The following CERS3 variants were observed in gnomAD, a reference collection of about 807,000 sequenced individuals.
CERS3 encodes the protein LAG1 homolog, ceramide synthase 3.
A neutral mutation model predicts 50.3 loss-of-function variants in CERS3; 33 were observed. The ratio of observed to expected loss-of-function variants is 0.66; its 90% CI spans 0.50 to 0.88. CERS3 has a LOEUF of 0.88. CERS3 is among the 40% of genes least tolerant of loss of function. The pLI is 0.00. For synonymous variants in CERS3, 176 were observed against 155.2 expected (o/e 1.13, Z -0.99); for missense variants, 470 against 460.3 (o/e 1.02, Z -0.19).
At chr15:100,438,258 TG>T (rs995890134) in intron 11 of CERS3, among the ~76,000 whole-genome samples, 6 of 151,902 alleles carry the variant, frequency 3.9e-5, no homozygotes, top group Non-Finnish European at 7.4e-5. Context: ...TTGGTTAGGC[TG>T]GTTTCAATCT....
chr15:100,413,676 C>A (rs575770659), intron 11 of CERS3, among the ~76,000 whole-genome samples: 20 of 149,798 alleles, frequency 1.3e-4, no homozygotes, highest in Admixed American at 7.4e-4. Flanking sequence ...AGTTGGTGAG[C>A]ATGTGGGGAA....
At chr15:100,525,702 A>G (rs774252237) in intron 1 of CERS3, among the ~76,000 whole-genome samples, 2 of 152,214 alleles carry the variant, frequency 1.3e-5, no homozygotes, top group African/African-American at 2.4e-5. Context: ...TAATTTATTT[A>G]TTTTAATTAG....
intron 11 of CERS3, among the ~76,000 whole-genome samples, chr15:100,432,782 A>T (rs1486197011): frequency 6.6e-6 from 1 of 152,106 alleles, no homozygotes; most frequent in African/African-American, 2.4e-5. Context: ...AAAGAATTGT[A>T]TGTATTTAGC....
At chr15:100,466,775 TCCTTCCTTCCTTCCTTCCTC>T (rs1372719540) in intron 10 of CERS3, among the ~76,000 whole-genome samples, 243 of 23,428 alleles carry the variant, frequency 0.01, 21 homozygotes, top group East Asian at 0.018. Flanking sequence ...CTTCCTTCCT[TCCTTCCTTCCTTCCTTCCTC>T]CCTCCCTCCC....
chr15:100,422,877 T>C (rs1039537430), intron 11 of CERS3, among the ~76,000 whole-genome samples: 8 of 134,936 alleles, frequency 5.9e-5, no homozygotes, highest in Non-Finnish European at 1.1e-4. Flanking sequence ...CAGGTGGGAA[T>C]TGAACAATGA....
At chr15:100,408,000 T>G (rs2031189525) in intron 11 of CERS3, among the ~76,000 whole-genome samples, 1 of 152,096 alleles carries the variant, frequency 6.6e-6, no homozygotes, top group Non-Finnish European at 1.5e-5. Flanking sequence ...GCCCCCTGAG[T>G]AGCTGGGATT....
rs1202281669 is a variant in CERS3, at chr15:100,417,816, G to C, written c.1000-14951C>G. 1.3e-5 allele frequency among the ~76,000 whole-genome samples: 2 copies of C among 151,760 alleles called. 1 individual carries two copies. Among genetic ancestry groups the C allele is most frequent in the African/African-American group, 4.9e-5 (2 of 41,042 alleles). On this transcript the variant is annotated intron_variant, in intron 11 of 11. Transcript: ENST00000679737. ...TAACTGAGAGGCACCCCCCAGCAAG[G>C]GCACACTGACACCTCACACAGCAGG...
chr15:100,444,662 T>C (rs541554098), intron 11 of CERS3, among the ~76,000 whole-genome samples: 1 of 152,144 alleles, frequency 6.6e-6, no homozygotes, highest in Admixed American at 6.5e-5. Flanking sequence ...CAGGGATTAT[T>C]CAGGCCCCCT....
chr15:100,506,463 C>CCCCCGA (rs1555533156), intron 2 of CERS3, among the ~76,000 whole-genome samples: 1 of 14,822 alleles, frequency 6.7e-5, no homozygotes, highest in Non-Finnish European at 4.2e-4. Context: ...AAATCGGGAC[C>CCCCCGA]CCCCCGCCGC....
chr15:100,505,788 G>A (rs555994295), intron 2 of CERS3, among the ~76,000 whole-genome samples: 22 of 152,292 alleles, frequency 1.4e-4, no homozygotes, highest in South Asian at 1.0e-3. Flanking sequence ...TGGGCGGATC[G>A]CCTGAGCCCA....
At chr15:100,501,525 G>C (rs1166299835) in intron 3 of CERS3, 152 bp downstream of exon 3, 3 of 624,252 alleles carry the variant, frequency 4.8e-6, no homozygotes, top group Non-Finnish European at 8.3e-6. Flanking sequence ...GAGCGCATCT[G>C]ATTACATTAA....
At chr15:100,505,438 G>A (rs1479203560) in intron 2 of CERS3, among the ~76,000 whole-genome samples, 1 of 152,172 alleles carries the variant, frequency 6.6e-6, no homozygotes, top group Admixed American at 6.5e-5. Context: ...TAGGGAAGAT[G>A]GAAAGAACTC....
At chr15:100,456,944 GAA>G (rs3079239) in intron 10 of CERS3, among the ~76,000 whole-genome samples, 9 of 135,946 alleles carry the variant, frequency 6.6e-5, no homozygotes, top group Non-Finnish European at 4.6e-5. Context: ...AAGATTCCGT[GAA>G]AAAAAAAAAA....
At chr15:100,468,963 G>A (rs2034874810) in intron 10 of CERS3, among the ~76,000 whole-genome samples, 1 of 152,144 alleles carries the variant, frequency 6.6e-6, no homozygotes. Context: ...GCCAAGATAT[G>A]GGAAGGACCT....
chr15:100,448,030 T>G (rs1185826573), intron 11 of CERS3, among the ~76,000 whole-genome samples: 1 of 152,238 alleles, frequency 6.6e-6, no homozygotes, highest in Non-Finnish European at 1.5e-5. Flanking sequence ...TGGACAGTAT[T>G]TCAGAGGCTA....
chr15:100,505,138 T>A (rs1231498518), intron 2 of CERS3, among the ~76,000 whole-genome samples: 1 of 152,176 alleles, frequency 6.6e-6, no homozygotes, highest in Non-Finnish European at 1.5e-5. Flanking sequence ...CTTTATTGGT[T>A]CCAAATTTAA....
chr15:100,479,905 G>A, intron 6 of CERS3, 84 bp downstream of exon 6: 1 of 963,334 alleles, frequency 1.0e-6, no homozygotes, highest in South Asian at 1.4e-5. Context: ...CTTATTGAAA[G>A]TACTATACCC....
At chr15:100,525,309 G>T (rs2036753525) in intron 1 of CERS3, among the ~76,000 whole-genome samples, 1 of 152,160 alleles carries the variant, frequency 6.6e-6, no homozygotes, top group Admixed American at 6.5e-5. Context: ...CATCTCCACA[G>T]ATTTTCCAGT....
chr15:100,519,149 A>G (rs917857135), intron 2 of CERS3, among the ~76,000 whole-genome samples: 3 of 130,272 alleles, frequency 2.3e-5, no homozygotes, highest in Admixed American at 8.6e-5. Context: ...ACAGAGAGAG[A>G]CTCCATCTCA....
Sources: gnomAD v4.1 joint callset for allele counts (sites outside exome capture counted in the v4.1 genomes callset) on GRCh38, gnomAD v4.1.1 for gene constraint, MANE v1.5 for transcripts, NCBI Gene and HGNC (gene_info 2026-07-23, HGNC 2026-07-21) for gene names.